The following PDZRN4 variants were observed in gnomAD, a reference collection of about 807,000 sequenced individuals.
PDZRN4 encodes PDZ domain containing ring finger 4.
PDZRN4 carries 70 observed loss-of-function variants against 99.0 expected under a neutral mutation model. That is an observed-to-expected ratio of 0.71 (90% CI 0.58 to 0.86). The LOEUF (loss-of-function observed/expected upper bound fraction) is 0.86, where lower values mean the gene tolerates loss of function less well. Among genes scored for constraint, PDZRN4 ranks in the 40% least tolerant of loss-of-function variants. The pLI, the probability that PDZRN4 is intolerant of heterozygous loss-of-function variation, is 0.00. For missense variants in PDZRN4, 1,474 were observed against 1,331.2 expected, an observed-to-expected ratio of 1.11 and a Z score of -1.67; for synonymous variants, 551 against 501.6, an observed-to-expected ratio of 1.10 and a Z score of -1.32.
chr12:41,506,401 T>C, intron 3 of PDZRN4, 55 bp from the exon 4 acceptor site: 1 of 1,507,446 alleles, frequency 6.6e-7, no homozygotes, highest in Non-Finnish European at 9.0e-7. Context: ...TAATCTATCA[T>C]GACAGCCTCT....
At chr12:41,463,024 C>T (rs1037493023) in intron 3 of PDZRN4, among the ~76,000 whole-genome samples, 4 of 152,130 alleles carry the variant, frequency 2.6e-5, no homozygotes, top group Admixed American at 2.0e-4. Flanking sequence ...ACCCTGATGC[C>T]AGATATGTAT....
At chr12:41,561,609 CTA>C (rs3075048) in intron 7 of PDZRN4, among the ~76,000 whole-genome samples, 2,533 of 145,142 alleles carry the variant, frequency 0.017, 68 homozygotes, top group East Asian at 0.14. Flanking sequence ...TATATAAAGA[CTA>C]TATATATATA....
chr12:41,304,477 C>A (rs1335585433), intron 3 of PDZRN4, among the ~76,000 whole-genome samples: 1 of 152,082 alleles, frequency 6.6e-6, no homozygotes, highest in Non-Finnish European at 1.5e-5. Flanking sequence ...GCTCTCTTCC[C>A]AGGAATTTCA....
intron 3 of PDZRN4, among the ~76,000 whole-genome samples, chr12:41,392,906 TGCTC>T (rs1209587749): frequency 1.3e-5 from 2 of 152,220 alleles, no homozygotes; most frequent in Non-Finnish European, 2.9e-5. Context: ...ATCAAAGCAA[TGCTC>T]TTAGCCACTG....
chr12:41,369,757 T>C (rs1040464046), intron 3 of PDZRN4, among the ~76,000 whole-genome samples: 2 of 152,034 alleles, frequency 1.3e-5, no homozygotes, highest in Non-Finnish European at 2.9e-5. Context: ...CTTTATAAAG[T>C]AGCAGTTAAA....
chr12:41,280,900 C>A (rs1221053612), intron 3 of PDZRN4, among the ~76,000 whole-genome samples: 1 of 152,162 alleles, frequency 6.6e-6, no homozygotes, highest in Non-Finnish European at 1.5e-5. Flanking sequence ...GGTCCCTGAC[C>A]CCCGTGCCTC....
At chr12:41,548,797 AT>A (rs771881989) in intron 5 of PDZRN4, among the ~76,000 whole-genome samples, 1 of 152,186 alleles carries the variant, frequency 6.6e-6, no homozygotes, top group Non-Finnish European at 1.5e-5. Context: ...TCACAAAAAA[AT>A]ATAAAAATTT....
At chr12:41,479,601 C>T (rs143475975) in intron 3 of PDZRN4, among the ~76,000 whole-genome samples, 1 of 152,304 alleles carries the variant, frequency 6.6e-6, no homozygotes, top group East Asian at 1.9e-4. Flanking sequence ...GAACTCCATA[C>T]ACATGAGTTC....
intron 3 of PDZRN4, among the ~76,000 whole-genome samples, chr12:41,216,378 A>G (rs1950920859): frequency 6.6e-6 from 1 of 152,010 alleles, no homozygotes; most frequent in Admixed American, 6.6e-5. Flanking sequence ...GAAGAATAAA[A>G]TTAAGTTTTA....
At chr12:41,271,379 C>A (rs1390272573) in intron 3 of PDZRN4, among the ~76,000 whole-genome samples, 3 of 152,088 alleles carry the variant, frequency 2.0e-5, no homozygotes, top group African/African-American at 7.2e-5. Flanking sequence ...CTGCAGGTAC[C>A]ATTTTTAAGC....
chr12:41,504,841 A>C (rs1257414234), intron 3 of PDZRN4, among the ~76,000 whole-genome samples: 1 of 152,176 alleles, frequency 6.6e-6, no homozygotes, highest in Non-Finnish European at 1.5e-5. Flanking sequence ...ATGTGTTCAC[A>C]CTGGTAAACA....
intron 3 of PDZRN4, among the ~76,000 whole-genome samples, chr12:41,236,547 A>AAAGAGACTAAGAGAG (rs1048885239): frequency 1.3e-5 from 2 of 152,074 alleles, no homozygotes; most frequent in African/African-American, 4.8e-5. Flanking sequence ...AGATGAAGGA[A>AAAGAGACTAAGAGAG]AAGAGACTAA....
chr12:41,388,570 T>C (rs773485433), intron 3 of PDZRN4, among the ~76,000 whole-genome samples: 2 of 152,150 alleles, frequency 1.3e-5, no homozygotes, highest in African/African-American at 2.4e-5. Context: ...GAGAATAGAC[T>C]GTAAGGAACC....
At chr12:41,265,877 A>C (rs1951272751) in intron 3 of PDZRN4, among the ~76,000 whole-genome samples, 1 of 152,228 alleles carries the variant, frequency 6.6e-6, no homozygotes, top group African/African-American at 2.4e-5. Flanking sequence ...GAAATTAAAC[A>C]ATAAAAATAA....
intron 3 of PDZRN4, among the ~76,000 whole-genome samples, chr12:41,482,145 T>G (rs186991201): frequency 3.7e-4 from 56 of 152,284 alleles, no homozygotes; most frequent in Non-Finnish European, 6.8e-4. Context: ...TCTTTTAGAC[T>G]TTTCCTCATT....
intron 3 of PDZRN4, among the ~76,000 whole-genome samples, chr12:41,503,008 C>T (rs1210404879): frequency 1.3e-5 from 2 of 152,046 alleles, no homozygotes; most frequent in African/African-American, 4.8e-5. Context: ...CTGAGCAGAG[C>T]AATTGCCAGA....
intron 3 of PDZRN4, among the ~76,000 whole-genome samples, chr12:41,307,142 C>T (rs74549677): frequency 6.6e-6 from 1 of 152,050 alleles, no homozygotes; most frequent in African/African-American, 2.4e-5. Flanking sequence ...ATAGCAGCAC[C>T]CTATTTCTCA....
At chr12:41,193,161 G>A (rs1950746440) in intron 2 of PDZRN4, among the ~76,000 whole-genome samples, 1 of 152,156 alleles carries the variant, frequency 6.6e-6, no homozygotes, top group Admixed American at 6.5e-5. Context: ...CATTTATTAA[G>A]ATGAAAGCCT....
chr12:41,282,072 A>T (rs921820625), intron 3 of PDZRN4, among the ~76,000 whole-genome samples: 1 of 152,196 alleles, frequency 6.6e-6, no homozygotes, highest in Non-Finnish European at 1.5e-5. Context: ...AGAGGCAAAG[A>T]CTGGCAAATT....
Sources: gnomAD v4.1 joint callset for allele counts (sites outside exome capture counted in the v4.1 genomes callset) on GRCh38, gnomAD v4.1.1 for gene constraint, MANE v1.5 for transcripts, NCBI Gene and HGNC (gene_info 2026-07-23, HGNC 2026-07-21) for gene names.